Variants in GALNTL6 observed in about 807,000 individuals in gnomAD.
The protein encoded by GALNTL6 is polypeptide N-acetylgalactosaminyltransferase-like 6.
Under a neutral mutation model 73.7 loss-of-function variants are expected in GALNTL6, and 46 were observed. The observed-to-expected ratio is 0.62, with a 90% CI of 0.49 to 0.80. The LOEUF (loss-of-function observed/expected upper bound fraction) is 0.80, where lower values mean the gene tolerates loss of function less well. GALNTL6 is among the 30% of genes least tolerant of loss of function. The probability of loss-of-function intolerance (pLI) is 0.00; values close to 1 mark genes in which losing one functional copy is unlikely to be tolerated. For synonymous variants in GALNTL6, 259 were observed against 263.7 expected (o/e 0.98, Z 0.17); for missense variants, 604 against 755.0 (o/e 0.80, Z 2.34).
intron 10 of GALNTL6, among the ~76,000 whole-genome samples, chr4:172,988,037 C>T (rs1460273491): frequency 1.3e-5 from 2 of 152,030 alleles, no homozygotes; most frequent in African/African-American, 4.8e-5. Flanking sequence ...ATAAAGATAC[C>T]TGAAAATGTG....
chr4:172,037,951 C>T (rs1228666013), intron 2 of GALNTL6, among the ~76,000 whole-genome samples: 1 of 151,982 alleles, frequency 6.6e-6, no homozygotes, highest in Non-Finnish European at 1.5e-5. Flanking sequence ...AACTCTGTCT[C>T]TACTAAAAAA....
At position 172,463,914 on chromosome 4, in the gene GALNTL6, G is replaced by A. The variant is rs184645338; in HGVS notation, c.553+115225G>A. 7.2e-5 allele frequency among the ~76,000 whole-genome samples: 11 copies of A among 152,172 alleles called. No individual in the cohort carries two copies. In the South Asian group the frequency reaches 1.2e-3, roughly 17 times the overall value. Reference sequence around the variant, plus strand: ...GTTTTCAACCATTGTCTGTTTGCCCGTATAGCTAACACTTATGAATAATAG... The same window carrying A: ...GTTTTCAACCATTGTCTGTTTGCCCATATAGCTAACACTTATGAATAATAG... On this transcript the variant is annotated intron_variant, in intron 5 of 12. Transcript: ENST00000506823.
chr4:172,515,875 C>G (rs1432028360), intron 5 of GALNTL6, among the ~76,000 whole-genome samples: 2 of 152,172 alleles, frequency 1.3e-5, no homozygotes, highest in Non-Finnish European at 1.5e-5. Context: ...CAGTTAGACT[C>G]AATTCATCAG....
At chr4:171,873,319 C>T (rs1263602340) in intron 2 of GALNTL6, among the ~76,000 whole-genome samples, 6 of 152,090 alleles carry the variant, frequency 3.9e-5, no homozygotes, top group African/African-American at 4.8e-5. Context: ...GATGATTGAA[C>T]GAACTTGAAT....
At chr4:172,898,815 A>G (rs1214336659) in intron 8 of GALNTL6, among the ~76,000 whole-genome samples, 1 of 152,220 alleles carries the variant, frequency 6.6e-6, no homozygotes, top group Non-Finnish European at 1.5e-5. Context: ...AGTAGGTGTT[A>G]AAGAAAAGAC....
At chr4:171,911,429 G>A (rs1403064299) in intron 2 of GALNTL6, among the ~76,000 whole-genome samples, 1 of 152,240 alleles carries the variant, frequency 6.6e-6, no homozygotes, top group East Asian at 1.9e-4. Flanking sequence ...TGGGATTACA[G>A]GCGTGAGCCA....
At chr4:172,316,396 A>G (rs1385663151) in intron 4 of GALNTL6, among the ~76,000 whole-genome samples, 2 of 152,218 alleles carry the variant, frequency 1.3e-5, no homozygotes, top group Non-Finnish European at 2.9e-5. Flanking sequence ...TAAAATTAAT[A>G]TAGTCTCACT....
chr4:172,975,825 C>A (rs1750781890), intron 10 of GALNTL6, among the ~76,000 whole-genome samples: 1 of 152,196 alleles, frequency 6.6e-6, no homozygotes, highest in Admixed American at 6.5e-5. Context: ...TCAGCCTCAA[C>A]TTTGCTTCGA....
intron 5 of GALNTL6, among the ~76,000 whole-genome samples, chr4:172,792,440 T>TA (rs1296700651): frequency 5.3e-5 from 8 of 152,048 alleles, no homozygotes; most frequent in Non-Finnish European, 1.0e-4. Context: ...TAGAAACTAG[T>TA]AAAAAAGTGA....
intron 2 of GALNTL6, among the ~76,000 whole-genome samples, chr4:171,881,960 T>C (rs904164163): frequency 1.3e-5 from 2 of 152,246 alleles, no homozygotes; most frequent in Non-Finnish European, 2.9e-5. Context: ...TTGCTTTCTT[T>C]CTTTGGTTAA....
intron 2 of GALNTL6, among the ~76,000 whole-genome samples, chr4:171,905,629 TGC>T (rs2110951534): frequency 6.7e-6 from 1 of 150,072 alleles, no homozygotes; most frequent in African/African-American, 2.5e-5. Flanking sequence ...AACTCAGCTC[TGC>T]ACCAAGTGGA....
At chr4:172,881,790 T>G (rs751406473) in intron 7 of GALNTL6, among the ~76,000 whole-genome samples, 1 of 152,180 alleles carries the variant, frequency 6.6e-6, no homozygotes, top group Non-Finnish European at 1.5e-5. Context: ...TCATATCCAT[T>G]TGTATATAGT....
At chr4:173,037,749 T>A (rs563290496) in intron 12 of GALNTL6, among the ~76,000 whole-genome samples, 6 of 144,072 alleles carry the variant, frequency 4.2e-5, no homozygotes, top group African/African-American at 1.5e-4. Flanking sequence ...ACATGAGCAT[T>A]TTTTTTTTTT....
chr4:173,010,117 AC>A (rs1445451793), intron 11 of GALNTL6, among the ~76,000 whole-genome samples: 2 of 151,808 alleles, frequency 1.3e-5, no homozygotes, highest in African/African-American at 4.8e-5. Flanking sequence ...TATTTTTTGT[AC>A]CCATTTAGCA....
chr4:173,028,492 C>T (rs1458792828), intron 12 of GALNTL6, among the ~76,000 whole-genome samples: 1 of 152,124 alleles, frequency 6.6e-6, no homozygotes, highest in Non-Finnish European at 1.5e-5. Flanking sequence ...ACTCCTATAG[C>T]ATTTTGTTTC....
intron 2 of GALNTL6, among the ~76,000 whole-genome samples, chr4:171,898,321 C>T (rs1736986281): frequency 6.6e-6 from 1 of 152,096 alleles, no homozygotes. Flanking sequence ...TTTAATCATA[C>T]ACTTAGCATG....
chr4:172,386,340 A>G (rs533024003), intron 5 of GALNTL6, among the ~76,000 whole-genome samples: 1 of 152,248 alleles, frequency 6.6e-6, no homozygotes, highest in South Asian at 2.1e-4. Context: ...GTGTCTGGTA[A>G]GGACACTTTC....
chr4:172,446,581 A>G (rs1351043063), intron 5 of GALNTL6, among the ~76,000 whole-genome samples: 3 of 152,166 alleles, frequency 2.0e-5, no homozygotes, highest in Admixed American at 6.5e-5. Context: ...GCAAGAAACA[A>G]GTGTTTTTTT....
chr4:172,684,243 T>C (rs1320700978), intron 5 of GALNTL6, among the ~76,000 whole-genome samples: 1 of 152,210 alleles, frequency 6.6e-6, no homozygotes, highest in African/African-American at 2.4e-5. Context: ...TACACAGCTT[T>C]TTATTTCTAG....
Sources: gnomAD v4.1 joint callset for allele counts (sites outside exome capture counted in the v4.1 genomes callset) on GRCh38, gnomAD v4.1.1 for gene constraint, MANE v1.5 for transcripts, NCBI Gene and HGNC (gene_info 2026-07-23, HGNC 2026-07-21) for gene names.